RUFY2: variants seen among roughly 807,000 people sequenced by gnomAD.
RUFY2 encodes RUN and FYVE domain containing 2.
Under a neutral mutation model 94.4 loss-of-function variants are expected in RUFY2, and 49 were observed. The observed-to-expected ratio is 0.52, with a 90% CI of 0.41 to 0.66. RUFY2 has a LOEUF of 0.66. Ranked by LOEUF, RUFY2 falls within the 30% of genes least tolerant of loss-of-function variation. RUFY2 has a pLI of 0.00. For missense variants in RUFY2, 541 were observed against 692.8 expected, an observed-to-expected ratio of 0.78 and a Z score of 2.46; for synonymous variants, 255 against 235.7, an observed-to-expected ratio of 1.08 and a Z score of -0.75.
chr10:68,393,886 C>T, intron 6 of RUFY2, 189 bp downstream of exon 6: 2 of 1,279,882 alleles, frequency 1.6e-6, no homozygotes, highest in Non-Finnish European at 2.0e-6. Context: ...ATTAATAAAA[C>T]CTCCTTCTCC....
intron 13 of RUFY2, among the ~76,000 whole-genome samples, chr10:68,375,065 T>C (rs898061309): frequency 3.3e-5 from 5 of 152,234 alleles, no homozygotes; most frequent in Non-Finnish European, 5.9e-5. Context: ...TCCTTCCTGG[T>C]TGGTGACATA....
At chr10:68,394,867 G>C (rs919041566) in intron 4 of RUFY2, among the ~76,000 whole-genome samples, 4 of 151,770 alleles carry the variant, frequency 2.6e-5, no homozygotes, top group Admixed American at 2.6e-4. Context: ...CTGACCTCAT[G>C]GTCCGCGGGC....
chr10:68,343,004 T>TTTTAG (rs1246175743), downstream of RUFY2: 7 of 152,130 alleles, frequency 4.6e-5, no homozygotes, highest in African/African-American at 1.4e-4. Context: ...CTGCTTGGAG[T>TTTTAG]TTTAGTTTAA....
At chr10:68,394,686 G>A (rs1353931328) in intron 4 of RUFY2, among the ~76,000 whole-genome samples, 1 of 151,270 alleles carries the variant, frequency 6.6e-6, no homozygotes, top group Non-Finnish European at 1.5e-5. Context: ...CCGGACTGCA[G>A]TGGCACTATC....
intron 13 of RUFY2, among the ~76,000 whole-genome samples, chr10:68,369,641 G>A (rs970918788): frequency 1.3e-5 from 2 of 152,012 alleles, no homozygotes; most frequent in African/African-American, 4.8e-5. Flanking sequence ...AGTTTGGTAG[G>A]CCAGGAATGG....
intron 16 of RUFY2, among the ~76,000 whole-genome samples, chr10:68,350,032 T>A (rs1322691092): frequency 6.6e-6 from 1 of 150,776 alleles, no homozygotes; most frequent in Non-Finnish European, 1.5e-5. Flanking sequence ...ATTATTTAGA[T>A]GGAGTCTCGC....
chr10:68,342,657 G>A (rs988170137), downstream of RUFY2: 1 of 152,566 alleles, frequency 6.6e-6, no homozygotes, highest in African/African-American at 2.4e-5. Flanking sequence ...TGTGTTACCT[G>A]GGTATGAGAG....
Position 68,345,120 on chromosome 10 carries a change from A to G in RUFY2, c.*648T>C, listed in dbSNP as rs1390016473. 6.6e-6 allele frequency: 1 copy of G among 152,518 alleles called. No homozygotes were observed. Among genetic ancestry groups the G allele is most frequent in the Non-Finnish European group, 1.5e-5 (1 of 68,318 alleles). 9.4% of individuals were successfully genotyped at this position (152,518 alleles called of 1,614,324 possible). On this transcript the variant is annotated 3_prime_UTR_variant, in exon 18 of 18. Coordinates refer to ENST00000602465, the MANE Select transcript of RUFY2 (RefSeq NM_001330103.2). ...GTAACTTCCTTTCAAGATTAAAAGG[A>G]AAAAAGTAGAGGCCGAGGCCAAATA... is the stretch of plus-strand genomic sequence containing the variant.
chr10:68,394,274 G>C (rs985802907), intron 5 of RUFY2, 54 bp downstream of exon 5: 3 of 1,610,942 alleles, frequency 1.9e-6, no homozygotes, highest in Non-Finnish European at 2.5e-6. Context: ...TGATCAAGGA[G>C]GAACTGTGCA....
At chr10:68,358,776 T>C (rs2047227405) in intron 15 of RUFY2, among the ~76,000 whole-genome samples, 1 of 151,962 alleles carries the variant, frequency 6.6e-6, no homozygotes, top group African/African-American at 2.4e-5. Context: ...CCGGGAGTGA[T>C]GGCACACACG....
downstream of RUFY2, chr10:68,341,512 T>C: frequency 8.7e-7 from 1 of 1,143,470 alleles, no homozygotes; most frequent in Non-Finnish European, 1.3e-6. Flanking sequence ...TTGATCTTTT[T>C]TACAAAGCTT....
Position 68,344,068 on chromosome 10 carries a change from A to C in RUFY2, c.*1700T>G, listed in dbSNP as rs1043740289. 1 of 152,204 alleles carries C rather than the reference A, an allele frequency of 6.6e-6. No homozygotes were observed. Among genetic ancestry groups the C allele is most frequent in the Non-Finnish European group, 1.5e-5 (1 of 68,028 alleles). 9.4% of individuals were successfully genotyped at this position (152,204 alleles called of 1,614,324 possible). A position where few individuals can be genotyped will look rare whatever the true frequency, so the allele number is the denominator to read the frequency against. ...CCACCTATCAATACAAAATGGTTCA[A>C]GAATATAATCCTCTCTTGAGGACAT... On this transcript the variant is annotated 3_prime_UTR_variant, in exon 18 of 18. Transcript: ENST00000602465.
chr10:68,378,361 G>A (rs1185270676), intron 12 of RUFY2: 1 of 1,229,550 alleles, frequency 8.1e-7, no homozygotes, highest in African/African-American at 1.6e-5. Flanking sequence ...TGTGCACAAG[G>A]TTTGAGGAAC....
At chr10:68,395,408 C>A (rs2050321960) in intron 4 of RUFY2, among the ~76,000 whole-genome samples, 1 of 151,594 alleles carries the variant, frequency 6.6e-6, no homozygotes, top group Non-Finnish European at 1.5e-5. Flanking sequence ...GATATAGTGA[C>A]TGCTGCTGAT....
In RUFY2 at chr10:68,345,467, A is replaced by C; in HGVS notation, c.*301T>G. On this transcript the variant is annotated 3_prime_UTR_variant, in exon 18 of 18. Coordinates refer to ENST00000602465, the MANE Select transcript of RUFY2 (RefSeq NM_001330103.2). ...AAATTGACAGAATTCAGAAGAAAAA[A>C]ACAATCTGAAGCCTTATTTTTAAGG... The C allele has an allele frequency of 2.5e-6, 1 of 404,054 alleles. No homozygotes were observed. Among genetic ancestry groups the C allele is most frequent in the Non-Finnish European group, 4.3e-6 (1 of 229,944 alleles). 25.0% of individuals were successfully genotyped at this position (404,054 alleles called of 1,614,324 possible).
chr10:68,402,134 T>C (rs2050896276), intron 2 of RUFY2, among the ~76,000 whole-genome samples: 2 of 151,968 alleles, frequency 1.3e-5, no homozygotes, highest in African/African-American at 4.8e-5. Context: ...TTTTTTTTTT[T>C]AGTAAGTAGA....
chr10:68,405,813 T>G, intron 1 of RUFY2: 10 of 530,888 alleles, frequency 1.9e-5, no homozygotes, highest in Non-Finnish European at 2.2e-5. Flanking sequence ...TACATTAATG[T>G]TCCTCACCCA....
rs1183674134 is a variant in RUFY2, at chr10:68,381,360, G to C, written c.979C>G (p.His327Asp). 6.2e-7 allele frequency: 1 copy of C among 1,613,802 alleles called. No individual in the cohort carries two copies. Among genetic ancestry groups the C allele is most frequent in the East Asian group, 2.2e-5 (1 of 44,864 alleles). ...AACTTCATGGCAAGTTCAATCTCAT[G>C]CTTCATACTAACTTGTACTGCTAGC... The part of the protein sequence containing the change: ...NELAVQVSMK[H>D]EIELAMKLLE... The change falls in exon 11 of 18, where the codon CAT becomes GAT. Residue 327 changes from histidine to aspartate, a missense_variant. His to Asp is a moderately conservative substitution (Grantham distance 81). This residue lies in a region of RUFY2 where 403 missense variants were observed against 480.7 expected (regional missense o/e 0.84). Transcript: ENST00000602465.
intron 3 of RUFY2, among the ~76,000 whole-genome samples, chr10:68,401,329 G>A (rs751208666): frequency 2.0e-5 from 3 of 152,060 alleles, no homozygotes; most frequent in Non-Finnish European, 4.4e-5. Context: ...TTAACACTCA[G>A]AAAACAAAGA....
Sources: allele counts gnomAD v4.1 joint callset (sites outside exome capture counted in the v4.1 genomes callset), GRCh38; gene constraint gnomAD v4.1.1; regional missense constraint gnomAD v4.1.1; transcripts MANE v1.5; gene names NCBI Gene and HGNC (gene_info 2026-07-23, HGNC 2026-07-21).